The following KCNN2 variants were observed in gnomAD, a reference collection of about 807,000 sequenced individuals.
KCNN2 encodes small conductance calcium-activated potassium channel protein 2.
Under a neutral mutation model 55.5 loss-of-function variants are expected in KCNN2, and 24 were observed. The ratio of observed to expected loss-of-function variants is 0.43; its 90% CI spans 0.31 to 0.61. The LOEUF (loss-of-function observed/expected upper bound fraction) is 0.61, where lower values mean the gene tolerates loss of function less well. KCNN2 is among the 20% of genes least tolerant of loss of function. The pLI is 0.08. For synonymous variants in KCNN2, 431 were observed against 336.1 expected, an observed-to-expected ratio of 1.28 and a Z score of -3.09; for missense variants, 754 against 853.6, an observed-to-expected ratio of 0.88 and a Z score of 1.45.
At chr5:114,284,824 C>T (rs1173856477) in intron 2 of KCNN2, among the ~76,000 whole-genome samples, 1 of 151,988 alleles carries the variant, frequency 6.6e-6, no homozygotes. Flanking sequence ...AGCCGATCAT[C>T]TCCATTTCTG....
intron 1 of KCNN2, among the ~76,000 whole-genome samples, chr5:114,111,488 A>G (rs1321109934): frequency 6.6e-6 from 1 of 152,220 alleles, no homozygotes; most frequent in Admixed American, 6.5e-5. Flanking sequence ...AATGGGATCT[A>G]ATTAAACTAA....
At chr5:114,441,253 A>G (rs1760198468) in intron 3 of KCNN2, among the ~76,000 whole-genome samples, 1 of 152,204 alleles carries the variant, frequency 6.6e-6, no homozygotes, top group Non-Finnish European at 1.5e-5. Context: ...CAAGGTTAAT[A>G]CAACTCAGTA....
intron 3 of KCNN2, among the ~76,000 whole-genome samples, chr5:114,459,739 A>T (rs944423790): frequency 2.0e-5 from 3 of 152,220 alleles, no homozygotes; most frequent in Non-Finnish European, 2.9e-5. Context: ...ATAATTTATC[A>T]TTGAATCCCA....
intron 2 of KCNN2, among the ~76,000 whole-genome samples, chr5:114,240,944 T>G (rs1186368896): frequency 6.6e-6 from 1 of 152,114 alleles, no homozygotes; most frequent in African/African-American, 2.4e-5. Flanking sequence ...TCAGGCAGAT[T>G]AAGGAAATTG....
intron 1 of KCNN2, among the ~76,000 whole-genome samples, chr5:114,142,922 A>C (rs1218168794): frequency 6.6e-6 from 1 of 152,214 alleles, no homozygotes; most frequent in Non-Finnish European, 1.5e-5. Context: ...ATCCTAAGCC[A>C]AAAGAACAAA....
At chr5:114,465,706 C>T (rs911287808) in intron 4 of KCNN2, among the ~76,000 whole-genome samples, 4 of 152,092 alleles carry the variant, frequency 2.6e-5, no homozygotes, top group African/African-American at 9.7e-5. Flanking sequence ...GACTTCGTTC[C>T]AGCCCTTAAG....
chr5:114,264,580 G>T (rs1443819970), intron 2 of KCNN2, among the ~76,000 whole-genome samples: 1 of 152,104 alleles, frequency 6.6e-6, no homozygotes, highest in East Asian at 1.9e-4. Context: ...CTCCATCATG[G>T]TCACAGCCCT....
intron 1 of KCNN2, among the ~76,000 whole-genome samples, chr5:114,058,217 A>G (rs1245447136): frequency 1.3e-5 from 2 of 152,120 alleles, no homozygotes; most frequent in Non-Finnish European, 2.9e-5. Flanking sequence ...AAAAACTACT[A>G]AAATAAAAAC....
chr5:114,102,201 TC>T (rs1751386507), intron 1 of KCNN2, among the ~76,000 whole-genome samples: 1 of 152,226 alleles, frequency 6.6e-6, no homozygotes, highest in Non-Finnish European at 1.5e-5. Flanking sequence ...GAGCTTTTTT[TC>T]ATGTGTCTGT....
In KCNN2 at chr5:114,496,230, C is replaced by A; in HGVS notation, c.*48C>A. 3.2e-6 allele frequency: 5 copies of A among 1,581,288 alleles called. No individual in the cohort carries two copies. In the South Asian group the frequency reaches 5.6e-5, roughly 18 times the overall value. ...ATAAGACTTTTTGCCATCATATGGT[C>A]AATATTTTAGCTTTTATTGTAAAGC... On this transcript the variant is annotated 3_prime_UTR_variant, in exon 8 of 8. Coordinates refer to ENST00000673685, the MANE Select transcript of KCNN2 (RefSeq NM_021614.4).
chr5:114,358,203 C>A (rs1054809775), upstream of KCNN2, among the ~76,000 whole-genome samples: 6 of 151,968 alleles, frequency 3.9e-5, 1 homozygote, highest in African/African-American at 1.4e-4. Flanking sequence ...ATTTTCGCAA[C>A]CTACTCATCT....
intron 2 of KCNN2, among the ~76,000 whole-genome samples, chr5:114,288,539 GATA>G (rs1174398831): frequency 4.7e-5 from 4 of 85,262 alleles, no homozygotes; most frequent in East Asian, 1.2e-3. Flanking sequence ...CATACACATA[GATA>G]ATATTTTTTG....
At chr5:114,133,253 T>C (rs1174331586) in intron 1 of KCNN2, among the ~76,000 whole-genome samples, 1 of 152,184 alleles carries the variant, frequency 6.6e-6, no homozygotes, top group Non-Finnish European at 1.5e-5. Flanking sequence ...ACTAGAAGTA[T>C]AATATACACT....
chr5:114,285,730 C>T (rs2150015020), intron 2 of KCNN2, among the ~76,000 whole-genome samples: 1 of 152,198 alleles, frequency 6.6e-6, no homozygotes, highest in South Asian at 2.1e-4. Context: ...GATGATGATG[C>T]TTTAAACTGC....
chr5:114,387,855 T>C (rs1758332651), intron 2 of KCNN2, among the ~76,000 whole-genome samples: 2 of 152,116 alleles, frequency 1.3e-5, no homozygotes, highest in Non-Finnish European at 2.9e-5. Flanking sequence ...AGGGCTTTGC[T>C]CTCCCCCTCT....
chr5:114,277,163 C>T (rs1223634722), intron 2 of KCNN2, among the ~76,000 whole-genome samples: 2 of 152,122 alleles, frequency 1.3e-5, no homozygotes, highest in African/African-American at 4.8e-5. Context: ...TGAATATTTG[C>T]CCCCAATCTC....
chr5:114,385,523 A>G (rs570764521), intron 2 of KCNN2, among the ~76,000 whole-genome samples: 12,505 of 134,658 alleles, frequency 0.093, 604 homozygotes, highest in Non-Finnish European at 0.11. Context: ...ATGCGCGCAC[A>G]CACACACACA....
chr5:114,068,921 C>G (rs560673978), intron 1 of KCNN2, among the ~76,000 whole-genome samples: 12 of 152,234 alleles, frequency 7.9e-5, no homozygotes, highest in South Asian at 4.2e-4. Flanking sequence ...TCAACCGATT[C>G]TCCTGCTTCA....
chr5:114,220,418 T>A (rs1754109197), intron 1 of KCNN2, among the ~76,000 whole-genome samples: 1 of 152,028 alleles, frequency 6.6e-6, no homozygotes, highest in African/African-American at 2.4e-5. Context: ...CCAAATTTTA[T>A]GAAATAGGGC....
Sources: gnomAD v4.1 joint callset for allele counts (sites outside exome capture counted in the v4.1 genomes callset) on GRCh38, gnomAD v4.1.1 for gene constraint, MANE v1.5 for transcripts, NCBI Gene and HGNC (gene_info 2026-07-23, HGNC 2026-07-21) for gene names.